Variants in TXNRD1 observed in about 807,000 individuals in gnomAD.
TXNRD1 encodes the protein thioredoxin reductase 1, also known as thioredoxin reductase 1, cytoplasmic.
Under a neutral mutation model 80.3 loss-of-function variants are expected in TXNRD1, and 57 were observed. The ratio of observed to expected loss-of-function variants is 0.71; its 90% CI spans 0.57 to 0.89. The LOEUF is 0.89. TXNRD1 is among the 40% of genes least tolerant of loss of function. TXNRD1 has a pLI of 0.00. For synonymous variants in TXNRD1, 291 were observed against 285.2 expected (o/e 1.02, Z -0.20); for missense variants, 730 against 803.0 (o/e 0.91, Z 1.10).
At chr12:104,311,240 C>T (rs144097713) in intron 4 of TXNRD1, 50 bp from the exon 5 acceptor site, 2 of 1,509,554 alleles carry the variant, frequency 1.3e-6, no homozygotes, top group African/African-American at 1.4e-5. Flanking sequence ...GCTTTTTGGA[C>T]ATTGCTGATT....
At chr12:104,345,821 C>A (rs1327015297) in intron 16 of TXNRD1, among the ~76,000 whole-genome samples, 1 of 152,044 alleles carries the variant, frequency 6.6e-6, no homozygotes, top group African/African-American at 2.4e-5. Flanking sequence ...GAGCCTTCTG[C>A]GGCTGGAAGT....
In TXNRD1 at chr12:104,318,914, T is replaced by G. The variant is rs750770250; in HGVS notation, c.732T>G (p.Val244=). The G allele has an allele frequency of 1.5e-5, 24 of 1,606,712 alleles. No individual in the cohort carries two copies. The highest frequency in any genetic ancestry group is 3.5e-5 in the Admixed American group (2 of 57,694). ...ATTTTGTTTTATTTTCTTATACAGT[T>G]AAGCATGATTGGGACAGAATGATAG... ...RNYGWKVEET[V]KHDWDRMIEA... The change falls in exon 8 of 17, where the codon GTT becomes GTG. Residue 244 remains valine, a splice_region_variant and synonymous_variant. Coordinates refer to ENST00000525566, the MANE Select transcript of TXNRD1 (RefSeq NM_001093771.3).
intron 1 of TXNRD1, among the ~76,000 whole-genome samples, chr12:104,226,956 C>T (rs1565851920): frequency 6.6e-6 from 1 of 152,096 alleles, no homozygotes; most frequent in Non-Finnish European, 1.5e-5. Context: ...AAGTCAGTAG[C>T]TCAAGATAGT....
At chr12:104,319,168 A>T in intron 8 of TXNRD1, 113 bp downstream of exon 8, 1 of 1,277,490 alleles carries the variant, frequency 7.8e-7, no homozygotes, top group South Asian at 1.6e-5. Context: ...TGTGACCCAG[A>T]CTATCCAGTT....
chr12:104,319,047 A>G lies in TXNRD1; in HGVS notation c.865A>G (p.Arg289Gly). 1.2e-6 allele frequency: 2 copies of G among 1,609,040 alleles called. No homozygotes were observed. Among genetic ancestry groups the G allele is most frequent in the East Asian group, 4.5e-5 (2 of 44,858 alleles). Residue 289 changes from arginine (R) to glycine (G), a missense_variant, in exon 8 of 17, where the codon AGG becomes GGG. Coordinates refer to ENST00000525566, the MANE Select transcript of TXNRD1 (RefSeq NM_001093771.3). ...TTATGGGCAATTTATTGGTCCTCAC[A>G]GGATTAAGGTAATTGTGTGACATCC... ...NAYGQFIGPH[R>G]IKATNNKGKE...
intron 1 of TXNRD1, among the ~76,000 whole-genome samples, chr12:104,238,847 TTTC>T (rs1401006449): frequency 3.0e-4 from 44 of 144,824 alleles, no homozygotes; most frequent in Admixed American, 2.8e-3. Context: ...GGTCTGTGGT[TTTC>T]TTTTCTTTTT....
chr12:104,240,628 A>G (rs2032837143), intron 1 of TXNRD1, among the ~76,000 whole-genome samples: 1 of 152,198 alleles, frequency 6.6e-6, no homozygotes, highest in Non-Finnish European at 1.5e-5. Context: ...GGATCAGTTT[A>G]GTAATTGTCC....
At chr12:104,290,874 A>T (rs926961284) in intron 4 of TXNRD1, 9 of 520,862 alleles carry the variant, frequency 1.7e-5, no homozygotes, top group Non-Finnish European at 3.0e-5. Flanking sequence ...CCTGGTTTTA[A>T]TGGCAATGGG....
chr12:104,288,485 T>C (rs1013141085), intron 3 of TXNRD1, among the ~76,000 whole-genome samples: 1 of 152,172 alleles, frequency 6.6e-6, no homozygotes, highest in East Asian at 1.9e-4. Flanking sequence ...CAAGGAAACG[T>C]TGGAAGTTGG....
chr12:104,245,862 C>G (rs996083461), intron 1 of TXNRD1, among the ~76,000 whole-genome samples: 1 of 152,098 alleles, frequency 6.6e-6, no homozygotes, highest in Non-Finnish European at 1.5e-5. Flanking sequence ...GTAATCCCAG[C>G]ACTTTGGGAG....
At chr12:104,237,038 G>C (rs118169320) in intron 1 of TXNRD1, among the ~76,000 whole-genome samples, 624 of 152,202 alleles carry the variant, frequency 4.1e-3, no homozygotes, top group Non-Finnish European at 7.3e-3. Flanking sequence ...TCCGTTCTGG[G>C]GGGGTTGGGA....
chr12:104,231,604 T>C (rs2032625530), intron 1 of TXNRD1, among the ~76,000 whole-genome samples: 1 of 152,220 alleles, frequency 6.6e-6, no homozygotes, highest in Non-Finnish European at 1.5e-5. Context: ...GATTTGATCT[T>C]TAAGTACCTG....
At chr12:104,296,960 A>G (rs1403112593) in intron 4 of TXNRD1, among the ~76,000 whole-genome samples, 5 of 152,212 alleles carry the variant, frequency 3.3e-5, no homozygotes, top group Non-Finnish European at 4.4e-5. Flanking sequence ...GCTAGGCACT[A>G]TCTTTGTAAT....
At chr12:104,236,540 A>C (rs2032741669) in intron 1 of TXNRD1, among the ~76,000 whole-genome samples, 1 of 152,322 alleles carries the variant, frequency 6.6e-6, no homozygotes, top group East Asian at 1.9e-4. Context: ...CTGTAATCCC[A>C]GCACTTTGGG....
At chr12:104,238,330 T>A (rs1349269447) in intron 1 of TXNRD1, among the ~76,000 whole-genome samples, 2 of 152,248 alleles carry the variant, frequency 1.3e-5, no homozygotes, top group Non-Finnish European at 2.9e-5. Flanking sequence ...AAAGAATGTA[T>A]GGGACTCATA....
intron 2 of TXNRD1, among the ~76,000 whole-genome samples, chr12:104,254,644 A>AAAAAAATATATATATATATATATATATAT: frequency 3.2e-5 from 3 of 93,648 alleles, no homozygotes; most frequent in African/African-American, 1.5e-4. Context: ...AAAAAAAAAA[A>AAAAAAATATATATATATATATATATATAT]ATATATATAT....
chr12:104,331,132 A>ATATG (rs1400569953), intron 13 of TXNRD1, among the ~76,000 whole-genome samples: 6 of 152,258 alleles, frequency 3.9e-5, no homozygotes, highest in African/African-American at 1.4e-4. Flanking sequence ...ATGGCTGTTA[A>ATATG]TATTACCTAA....
At chr12:104,237,299 A>T (rs1049206581) in intron 1 of TXNRD1, among the ~76,000 whole-genome samples, 8 of 152,200 alleles carry the variant, frequency 5.3e-5, no homozygotes, top group Non-Finnish European at 1.5e-5. Flanking sequence ...GCTCTGCGCC[A>T]TCTGAAAGAT....
intron 3 of TXNRD1, among the ~76,000 whole-genome samples, chr12:104,279,955 C>G (rs1403270665): frequency 1.3e-5 from 2 of 149,208 alleles, no homozygotes; most frequent in Non-Finnish European, 3.0e-5. Flanking sequence ...CCCAGCTACT[C>G]GAGAGGCTGA....
Sources: allele counts gnomAD v4.1 joint callset (sites outside exome capture counted in the v4.1 genomes callset), GRCh38; gene constraint gnomAD v4.1.1; transcripts MANE v1.5; gene names NCBI Gene and HGNC (gene_info 2026-07-23, HGNC 2026-07-21).